VOPP1: variants seen among roughly 807,000 people sequenced by gnomAD.
VOPP1 encodes VOPP1 WW domain binding protein.
Under a neutral mutation model 23.5 loss-of-function variants are expected in VOPP1, and 8 were observed. The ratio of observed to expected loss-of-function variants is 0.34; its 90% confidence interval spans 0.20 to 0.61. The LOEUF (loss-of-function observed/expected upper bound fraction) is 0.61. Among genes scored for constraint, VOPP1 ranks in the 20% least tolerant of loss-of-function variants. The probability of loss-of-function intolerance (pLI) is 0.78; values close to 1 mark genes in which losing one functional copy is unlikely to be tolerated. For missense variants in VOPP1, 174 were observed against 238.1 expected (o/e 0.73, Z 1.77); for synonymous variants, 83 against 97.3 (o/e 0.85, Z 0.86).
At chr7:55,537,947 C>T (rs1409716072) in intron 1 of VOPP1, among the ~76,000 whole-genome samples, 1 of 152,220 alleles carries the variant, frequency 6.6e-6, no homozygotes, top group East Asian at 1.9e-4. Flanking sequence ...GGGCTGTCTC[C>T]TGCCCACCTG....
intron 2 of VOPP1, among the ~76,000 whole-genome samples, chr7:55,503,996 G>A (rs147688372): frequency 3.9e-5 from 6 of 152,294 alleles, no homozygotes; most frequent in Non-Finnish European, 7.4e-5. Context: ...AGCTAAAGTC[G>A]GAGTAAAATA....
At chr7:55,440,933 T>C (rs777941193) in intron 4 of VOPP1, among the ~76,000 whole-genome samples, 4 of 152,188 alleles carry the variant, frequency 2.6e-5, no homozygotes, top group Non-Finnish European at 4.4e-5. Context: ...GCCAAAACCA[T>C]GTTCAGGGAT....
rs189614210 is a variant in VOPP1, at chr7:55,460,772, G to T, written n.418-24598C>A. On this transcript the variant is annotated intron_variant and non_coding_transcript_variant, in intron 4 of 4. Transcript: ENST00000462326. Reference sequence around the variant, plus strand: ...TTTTGACTTAAAGTCTGTTTTATCAGATATAACTATAGCTATTCCTGCTCA... The same window carrying T: ...TTTTGACTTAAAGTCTGTTTTATCATATATAACTATAGCTATTCCTGCTCA... Among the ~76,000 whole-genome samples the T allele has an allele frequency of 9.2e-5, 14 of 151,920 alleles. No individual in the cohort carries two copies. In the East Asian group the frequency reaches 2.7e-3, roughly 29 times the overall value.
At chr7:55,523,950 A>T (rs764155565) in intron 1 of VOPP1, among the ~76,000 whole-genome samples, 1 of 152,220 alleles carries the variant, frequency 6.6e-6, no homozygotes, top group Non-Finnish European at 1.5e-5. Context: ...AGTATTTTTT[A>T]AAACCACTTC....
intron 1 of VOPP1, among the ~76,000 whole-genome samples, chr7:55,542,162 G>T (rs994296895): frequency 6.6e-6 from 1 of 151,844 alleles, no homozygotes; most frequent in Admixed American, 6.6e-5. Context: ...CATATTTATG[G>T]GCTACACATG....
At chr7:55,507,465 G>A (rs1373096475) in intron 2 of VOPP1, among the ~76,000 whole-genome samples, 2 of 152,122 alleles carry the variant, frequency 1.3e-5, no homozygotes, top group Non-Finnish European at 2.9e-5. Context: ...ACAAAGAGCT[G>A]TGTACAATCT....
At chr7:55,453,677 A>C (rs754549455) in intron 4 of VOPP1, among the ~76,000 whole-genome samples, 1 of 152,224 alleles carries the variant, frequency 6.6e-6, no homozygotes, top group Non-Finnish European at 1.5e-5. Flanking sequence ...ACAGATCACC[A>C]TAACAGTTAT....
At chr7:55,492,227 T>C in intron 4 of VOPP1, 55 bp downstream of exon 4, 1 of 1,556,774 alleles carries the variant, frequency 6.4e-7, no homozygotes, top group Middle Eastern at 2.2e-4. Flanking sequence ...CCTTTATAAA[T>C]GTTGGCAGAC....
At chr7:55,461,052 C>T (rs1791488115) in intron 4 of VOPP1, among the ~76,000 whole-genome samples, 1 of 151,828 alleles carries the variant, frequency 6.6e-6, no homozygotes, top group South Asian at 2.1e-4. Context: ...TACTACTCAG[C>T]CATAAAAAGG....
chr7:55,568,341 C>T (rs192223621), intron 1 of VOPP1, among the ~76,000 whole-genome samples: 3 of 152,294 alleles, frequency 2.0e-5, no homozygotes, highest in African/African-American at 7.2e-5. Context: ...GCCCAAAGTG[C>T]CGGGATTACA....
chr7:55,457,894 G>A (rs940764925), intron 4 of VOPP1, among the ~76,000 whole-genome samples: 6 of 151,872 alleles, frequency 4.0e-5, no homozygotes, highest in African/African-American at 1.5e-4. Context: ...TCTACAGATT[G>A]TCTCTTCACT....
intron 2 of VOPP1, among the ~76,000 whole-genome samples, chr7:55,509,896 C>T (rs1794964501): frequency 6.6e-6 from 1 of 152,158 alleles, no homozygotes; most frequent in African/African-American, 2.4e-5. Flanking sequence ...GCTTTTCATG[C>T]CCACCGCCTG....
At chr7:55,517,973 C>T (rs1223780303) in intron 2 of VOPP1, among the ~76,000 whole-genome samples, 3 of 152,212 alleles carry the variant, frequency 2.0e-5, no homozygotes, top group Non-Finnish European at 2.9e-5. Flanking sequence ...TGGCACCACA[C>T]TGGGTTCACT....
At chr7:55,470,118 A>G (rs1289636642), downstream of VOPP1, among the ~76,000 whole-genome samples, 3 of 152,238 alleles carry the variant, frequency 2.0e-5, no homozygotes, top group African/African-American at 7.2e-5. Context: ...TACATCTAAA[A>G]TACATCTTGA....
intron 4 of VOPP1, among the ~76,000 whole-genome samples, chr7:55,458,739 T>C (rs1466494427): frequency 6.6e-6 from 1 of 152,166 alleles, no homozygotes; most frequent in Non-Finnish European, 1.5e-5. Context: ...TATATTCTGA[T>C]ATTTTACTGA....
At chr7:55,493,152 C>T (rs1381247672) in intron 3 of VOPP1, 1 of 152,224 alleles carries the variant, frequency 6.6e-6, no homozygotes, top group Non-Finnish European at 1.5e-5. Context: ...TAAACGACTG[C>T]AGAATGAACA....
chr7:55,450,869 T>C (rs1190291303), intron 4 of VOPP1, among the ~76,000 whole-genome samples: 2 of 152,252 alleles, frequency 1.3e-5, no homozygotes, highest in African/African-American at 2.4e-5. Context: ...GCAAATGATA[T>C]CAGCACTGTT....
At chr7:55,486,716 G>A (rs1482553257) in intron 4 of VOPP1, among the ~76,000 whole-genome samples, 4 of 152,246 alleles carry the variant, frequency 2.6e-5, no homozygotes, top group Non-Finnish European at 5.9e-5. Context: ...GTAGCCATGA[G>A]AATGTATGAA....
chr7:55,445,464 A>G (rs1244078328), intron 4 of VOPP1, among the ~76,000 whole-genome samples: 2 of 152,186 alleles, frequency 1.3e-5, no homozygotes, highest in African/African-American at 4.8e-5. Context: ...GTTGCATCCA[A>G]GCCATATTCA....
Sources: gnomAD v4.1 joint callset for allele counts (sites outside exome capture counted in the v4.1 genomes callset) on GRCh38, gnomAD v4.1.1 for gene constraint, MANE v1.5 for transcripts, NCBI Gene and HGNC (gene_info 2026-07-23, HGNC 2026-07-21) for gene names.